The following PTPRT variants were observed in gnomAD, a reference collection of about 807,000 sequenced individuals.
PTPRT encodes the protein receptor-type tyrosine-protein phosphatase T.
PTPRT carries 56 observed loss-of-function variants against 176.8 expected under a neutral mutation model. The observed-to-expected ratio is 0.32, with a 90% confidence interval of 0.26 to 0.40. PTPRT has a LOEUF of 0.40. Ranked by LOEUF, PTPRT falls within the 10% of genes least tolerant of loss-of-function variation. The pLI, the probability that PTPRT is intolerant of heterozygous loss-of-function variation, is 1.00. For synonymous variants in PTPRT, 783 were observed against 739.0 expected, an observed-to-expected ratio of 1.06 and a Z score of -0.96; for missense variants, 1,540 against 1,908.2, an observed-to-expected ratio of 0.81 and a Z score of 3.60.
At position 42,214,309 on chromosome 20, in the gene PTPRT, C is replaced by A. The variant is rs34222413; in HGVS notation, c.2343-14921G>T. On this transcript the variant is annotated intron_variant, in intron 15 of 30. Coordinates refer to ENST00000373187, the MANE Select transcript of PTPRT (RefSeq NM_007050.6). The stretch of plus-strand genomic sequence containing the variant: ...GCAAACACACACTCACACATATGCA[C>A]ATACATGCATAGACAGCTGCGGCCA... Among the ~76,000 whole-genome samples, 477 of 152,318 alleles carry A rather than the reference C, an allele frequency of 3.1e-3. 2 individuals are homozygous for A. The highest frequency in any genetic ancestry group is 5.1e-3 in the Non-Finnish European group (346 of 68,034).
intron 8 of PTPRT, among the ~76,000 whole-genome samples, chr20:42,453,200 A>G (rs1194815332): frequency 6.6e-6 from 1 of 152,116 alleles, no homozygotes; most frequent in East Asian, 1.9e-4. Context: ...TTTCAAACAT[A>G]TTTCATCACA....
At chr20:42,364,282 G>C (rs2058484565) in intron 9 of PTPRT, among the ~76,000 whole-genome samples, 1 of 152,030 alleles carries the variant, frequency 6.6e-6, no homozygotes, top group Non-Finnish European at 1.5e-5. Context: ...TCACTCTATT[G>C]CACTTTTCTT....
chr20:42,419,129 GTTTT>G (rs2059093250), intron 9 of PTPRT, among the ~76,000 whole-genome samples: 1 of 152,194 alleles, frequency 6.6e-6, no homozygotes, highest in Non-Finnish European at 1.5e-5. Context: ...AATGAGCCTG[GTTTT>G]CTCTGTGACG....
At chr20:42,396,853 C>T (rs913542105) in intron 9 of PTPRT, among the ~76,000 whole-genome samples, 36 of 152,176 alleles carry the variant, frequency 2.4e-4, no homozygotes, top group African/African-American at 6.3e-4. Flanking sequence ...CCACTGAGCC[C>T]GGTCACTTTG....
intron 17 of PTPRT, among the ~76,000 whole-genome samples, chr20:42,144,578 C>T (rs1037589620): frequency 6.6e-6 from 1 of 151,952 alleles, no homozygotes; most frequent in Non-Finnish European, 1.5e-5. Context: ...GGGAAGGGTG[C>T]AGTCAGTTAT....
At chr20:43,141,727 A>G (rs2014013835) in intron 1 of PTPRT, among the ~76,000 whole-genome samples, 1 of 152,258 alleles carries the variant, frequency 6.6e-6, no homozygotes, top group South Asian at 2.1e-4. Context: ...GTATAAATTC[A>G]TCAAACCTAA....
chr20:42,178,225 CG>C (rs560823726), intron 16 of PTPRT, among the ~76,000 whole-genome samples: 37 of 152,200 alleles, frequency 2.4e-4, no homozygotes, highest in Admixed American at 2.0e-3. Flanking sequence ...CGAGAGCCAC[CG>C]TGCCCAGCCA....
chr20:42,577,284 C>CA (rs1259705916), intron 7 of PTPRT, among the ~76,000 whole-genome samples: 1 of 152,178 alleles, frequency 6.6e-6, no homozygotes, highest in Non-Finnish European at 1.5e-5. Context: ...TTCACTCCCC[C>CA]AAAATGGCCA....
chr20:42,924,106 C>T (rs1400562708), intron 1 of PTPRT, among the ~76,000 whole-genome samples: 1 of 152,162 alleles, frequency 6.6e-6, no homozygotes, highest in East Asian at 1.9e-4. Flanking sequence ...CCACCCACCT[C>T]GGCTTCCCAA....
intron 24 of PTPRT, among the ~76,000 whole-genome samples, 179 bp from the exon 25 acceptor site, chr20:42,104,897 C>T (rs1004859771): frequency 6.6e-6 from 1 of 152,166 alleles, no homozygotes; most frequent in Admixed American, 6.5e-5. Context: ...TAATGATCAC[C>T]TGAGCTATGG....
intron 27 of PTPRT, among the ~76,000 whole-genome samples, chr20:42,090,607 C>A (rs1454491529): frequency 6.6e-6 from 1 of 152,194 alleles, no homozygotes; most frequent in Non-Finnish European, 1.5e-5. Flanking sequence ...GCTCGGCTCC[C>A]TGGCTCACAT....
chr20:42,318,779 TC>T (rs1447546055), intron 11 of PTPRT, among the ~76,000 whole-genome samples: 2 of 152,228 alleles, frequency 1.3e-5, no homozygotes, highest in African/African-American at 4.8e-5. Flanking sequence ...CAGACAGACT[TC>T]CCATTCTACC....
chr20:42,847,211 A>G (rs1464818758), intron 2 of PTPRT, among the ~76,000 whole-genome samples: 9 of 152,198 alleles, frequency 5.9e-5, no homozygotes, highest in Non-Finnish European at 1.0e-4. Flanking sequence ...ACGGGGATGG[A>G]AGGGATTAGG....
chr20:42,611,233 G>A (rs573694464), intron 7 of PTPRT, among the ~76,000 whole-genome samples: 2 of 152,268 alleles, frequency 1.3e-5, no homozygotes, highest in South Asian at 4.1e-4. Flanking sequence ...ACTTCTTGAG[G>A]AACTCCCAAA....
At chr20:42,352,317 A>G in intron 9 of PTPRT, 32 bp from the exon 10 acceptor site, 2 of 1,608,814 alleles carry the variant, frequency 1.2e-6, no homozygotes, top group Non-Finnish European at 1.7e-6. Flanking sequence ...AAACAAACAA[A>G]TAAATGCCTC....
intron 5 of PTPRT, among the ~76,000 whole-genome samples, chr20:42,763,933 G>A (rs1226908929): frequency 6.6e-6 from 1 of 152,124 alleles, no homozygotes; most frequent in Admixed American, 6.5e-5. Context: ...GGGGACAAAG[G>A]AAACTAATGA....
At chr20:42,178,012 A>G (rs1025484306) in intron 16 of PTPRT, among the ~76,000 whole-genome samples, 5 of 151,568 alleles carry the variant, frequency 3.3e-5, no homozygotes, top group African/African-American at 1.2e-4. Flanking sequence ...ATCTTGGCTC[A>G]GTGCAACCTC....
chr20:42,803,834 G>A (rs1459016640), intron 2 of PTPRT, among the ~76,000 whole-genome samples: 1 of 152,170 alleles, frequency 6.6e-6, no homozygotes, highest in South Asian at 2.1e-4. Context: ...GATTACAGGC[G>A]TGAACCACCG....
chr20:42,876,459 C>T (rs539922064), intron 2 of PTPRT, among the ~76,000 whole-genome samples: 2 of 152,084 alleles, frequency 1.3e-5, no homozygotes, highest in South Asian at 2.1e-4. Flanking sequence ...GGCCCCAGAG[C>T]GAAGGAAGGG....
Sources: gnomAD v4.1 joint callset for allele counts (sites outside exome capture counted in the v4.1 genomes callset) on GRCh38, gnomAD v4.1.1 for gene constraint, MANE v1.5 for transcripts, NCBI Gene and HGNC (gene_info 2026-07-23, HGNC 2026-07-21) for gene names.